The following PTPRD variants were observed in gnomAD, a reference collection of about 807,000 sequenced individuals.
PTPRD encodes protein tyrosine phosphatase receptor type D, also known as receptor-type tyrosine-protein phosphatase delta.
In PTPRD, 34 loss-of-function variants were observed where a neutral mutation model predicts 214.5. The observed-to-expected ratio is 0.16, with a 90% CI of 0.12 to 0.21. PTPRD has a LOEUF of 0.21. Ranked by LOEUF, PTPRD falls within the 10% of genes least tolerant of loss-of-function variation. The probability of loss-of-function intolerance (pLI) is 1.00; values close to 1 mark genes in which losing one functional copy is unlikely to be tolerated. For missense variants in PTPRD, 2,545 were observed against 2,398.7 expected, an observed-to-expected ratio of 1.06 and a Z score of -1.27; for synonymous variants, 1,128 against 845.7, an observed-to-expected ratio of 1.33 and a Z score of -5.79.
At position 10,260,726 on chromosome 9, in the gene PTPRD, G is replaced by T. The variant is rs2093635922; in HGVS notation, c.-545+80237C>A. Among the ~76,000 whole-genome samples, 5 of 152,128 alleles carry T rather than the reference G, an allele frequency of 3.3e-5. No individual in the cohort carries two copies. In the South Asian group the frequency reaches 1.0e-3, roughly 32 times the overall value. ...AGTTTTTTTGACAGAGAAAGAGCATGCAAGTTCCCATTAACATAATTAACA... is the reference window on the plus strand; with the variant it reads ...AGTTTTTTTGACAGAGAAAGAGCATTCAAGTTCCCATTAACATAATTAACA... On this transcript the variant is annotated intron_variant, in intron 3 of 45. Transcript: ENST00000381196.
At chr9:10,291,005 T>G (rs2095510171) in intron 3 of PTPRD, among the ~76,000 whole-genome samples, 1 of 151,900 alleles carries the variant, frequency 6.6e-6, no homozygotes, top group Admixed American at 6.6e-5. Context: ...TAAAAACAAA[T>G]TCCATTGTTT....
chr9:8,694,396 C>T (rs1377530852), intron 12 of PTPRD, among the ~76,000 whole-genome samples: 1 of 152,038 alleles, frequency 6.6e-6, no homozygotes, highest in East Asian at 1.9e-4. Flanking sequence ...TGATAACATT[C>T]ATACAAACAA....
intron 3 of PTPRD, among the ~76,000 whole-genome samples, chr9:10,158,112 A>G (rs184509637): frequency 9.2e-5 from 14 of 152,094 alleles, no homozygotes; most frequent in Non-Finnish European, 1.6e-4. Flanking sequence ...GAGTTCAAAC[A>G]ATTCTTCTGT....
intron 8 of PTPRD, among the ~76,000 whole-genome samples, chr9:9,518,629 G>T (rs1277674826): frequency 6.6e-6 from 1 of 151,982 alleles, no homozygotes; most frequent in East Asian, 1.9e-4. Flanking sequence ...CCTGGGACCC[G>T]AAAGGGCATT....
intron 5 of PTPRD, among the ~76,000 whole-genome samples, chr9:9,836,065 G>C (rs1186135676): frequency 6.6e-6 from 1 of 151,774 alleles, no homozygotes; most frequent in Non-Finnish European, 1.5e-5. Context: ...CATCTTTCTG[G>C]AAGAGATGAT....
At chr9:8,470,604 C>T (rs2096633611) in intron 31 of PTPRD, among the ~76,000 whole-genome samples, 1 of 152,088 alleles carries the variant, frequency 6.6e-6, no homozygotes, top group South Asian at 2.1e-4. Context: ...CAAATTGCAA[C>T]TTGGTGTTTG....
intron 10 of PTPRD, among the ~76,000 whole-genome samples, chr9:9,073,315 A>T (rs2099746526): frequency 6.6e-6 from 1 of 152,208 alleles, no homozygotes; most frequent in Admixed American, 6.5e-5. Flanking sequence ...GGCTTTCAAT[A>T]ATATATCTGA....
intron 2 of PTPRD, among the ~76,000 whole-genome samples, chr9:10,512,584 C>A (rs7853996): frequency 1.3e-5 from 2 of 151,842 alleles, no homozygotes; most frequent in Non-Finnish European, 2.9e-5. Context: ...CAAAGTTGAA[C>A]GCACAAGTAC....
At chr9:10,161,814 A>G (rs796119992) in intron 3 of PTPRD, among the ~76,000 whole-genome samples, 5 of 151,962 alleles carry the variant, frequency 3.3e-5, no homozygotes, top group African/African-American at 1.2e-4. Context: ...ATTAATAACC[A>G]GAATATATAA....
intron 39 of PTPRD, 81 bp downstream of exon 39, chr9:8,375,855 T>A (rs895169432): frequency 2.2e-5 from 33 of 1,478,504 alleles, no homozygotes; most frequent in Admixed American, 1.4e-4. Flanking sequence ...TATTCCAGAA[T>A]GTCAAGAAGT....
intron 7 of PTPRD, among the ~76,000 whole-genome samples, chr9:9,601,111 ATG>A (rs140016979): frequency 0.015 from 1,416 of 97,370 alleles, 21 homozygotes; most frequent in African/African-American, 0.037. Flanking sequence ...AGATTAATAT[ATG>A]TGTGTGTGTG....
intron 9 of PTPRD, among the ~76,000 whole-genome samples, chr9:9,377,593 C>T (rs1415169458): frequency 6.6e-6 from 1 of 152,120 alleles, no homozygotes; most frequent in Non-Finnish European, 1.5e-5. Flanking sequence ...ACATGGCCAG[C>T]AGAGCCATAA....
chr9:9,758,015 T>C (rs1396691357), intron 6 of PTPRD, among the ~76,000 whole-genome samples: 2 of 152,052 alleles, frequency 1.3e-5, no homozygotes, highest in Non-Finnish European at 2.9e-5. Context: ...TCCACTGCCA[T>C]ATCTGCCGGT....
At chr9:9,105,745 G>A (rs565983969) in intron 10 of PTPRD, among the ~76,000 whole-genome samples, 2 of 152,324 alleles carry the variant, frequency 1.3e-5, no homozygotes, top group South Asian at 4.1e-4. Context: ...GATTATCAGT[G>A]TAGCTTTTCA....
At position 8,339,094 on chromosome 9, in the gene PTPRD, CATTCTGTAT is replaced by C. The variant is rs762943799; in HGVS notation, c.5254-56_5254-48del. Reference sequence around the variant, plus strand: ...GTTAAACTATGCAAAGTATAAAGAACATTCTGTATATTATCTATCTATCTATCTAATCTA... The same window carrying C: ...GTTAAACTATGCAAAGTATAAAGAACATTATCTATCTATCTATCTAATCTA... On this transcript the variant is annotated intron_variant, in intron 42 of 45. Transcript: ENST00000381196. 2.6e-6 allele frequency: 4 copies of C among 1,555,080 alleles called. No individual in the cohort carries two copies. The Admixed American group carries it at 7.1e-5, about 28-fold the overall frequency.
intron 2 of PTPRD, among the ~76,000 whole-genome samples, chr9:10,353,437 G>A (rs1325349271): frequency 6.6e-6 from 1 of 151,850 alleles, no homozygotes; most frequent in East Asian, 1.9e-4. Flanking sequence ...TGAATACTTT[G>A]TTCACATCAT....
intron 10 of PTPRD, among the ~76,000 whole-genome samples, chr9:9,103,127 C>T (rs1442042452): frequency 6.6e-6 from 1 of 152,088 alleles, no homozygotes; most frequent in African/African-American, 2.4e-5. Context: ...CTTGTCTTAA[C>T]AGTGCTGGTA....
rs2077982483 is a variant in PTPRD, at chr9:9,543,077, TAAAC to T, written c.-237+31651_-237+31654del. ...ATGCAAGTGCTCATATACATGGAAATAAACAAATTGTGGTATATTCATACAACGA... is the reference window on the plus strand; with the variant it reads ...ATGCAAGTGCTCATATACATGGAAATAAATTGTGGTATATTCATACAACGA... On this transcript the variant is annotated intron_variant, in intron 8 of 45. Transcript: ENST00000381196. 2.0e-5 allele frequency among the ~76,000 whole-genome samples: 3 copies of T among 151,608 alleles called. No homozygotes were observed. The Admixed American group carries it at 2.0e-4, about 10-fold the overall frequency.
At chr9:9,609,587 C>T (rs768297925) in intron 7 of PTPRD, among the ~76,000 whole-genome samples, 21 of 152,242 alleles carry the variant, frequency 1.4e-4, no homozygotes, top group Non-Finnish European at 2.6e-4. Context: ...CTCAGCCTCC[C>T]GAGTAGCTGG....
Sources: allele counts gnomAD v4.1 joint callset (sites outside exome capture counted in the v4.1 genomes callset), GRCh38; gene constraint gnomAD v4.1.1; transcripts MANE v1.5; gene names NCBI Gene and HGNC (gene_info 2026-07-23, HGNC 2026-07-21).